MARCHF8: variants seen among roughly 807,000 people sequenced by gnomAD.
MARCHF8 encodes E3 ubiquitin-protein ligase MARCHF8.
MARCHF8 carries 40 observed loss-of-function variants against 51.6 expected under a neutral mutation model. That is an observed-to-expected ratio of 0.77 (90% CI 0.60 to 1.01). The LOEUF (loss-of-function observed/expected upper bound fraction) is 1.01, where lower values mean the gene tolerates loss of function less well. Among genes scored for constraint, MARCHF8 ranks in the 50% least tolerant of loss-of-function variants. The pLI is 0.00. For missense variants in MARCHF8, 685 were observed against 708.6 expected (o/e 0.97, Z 0.38); for synonymous variants, 263 against 280.3 (o/e 0.94, Z 0.62).
At chr10:45,518,676 A>G (rs779967510) in intron 2 of MARCHF8, among the ~76,000 whole-genome samples, 1 of 152,190 alleles carries the variant, frequency 6.6e-6, no homozygotes, top group Non-Finnish European at 1.5e-5. Flanking sequence ...CTCCTAACAG[A>G]TTGCCCAAGG....
In MARCHF8 at chr10:45,463,987, T is replaced by G; in HGVS notation, c.252A>C (p.Ala84=). 6.5e-7 allele frequency: 1 copy of G among 1,534,978 alleles called. No homozygotes were observed. The highest frequency in any genetic ancestry group is 8.7e-7 in the Non-Finnish European group (1 of 1,146,432). The change falls in exon 5 of 8, where the codon GCA becomes GCC. Residue 84 remains alanine, a synonymous_variant. Coordinates refer to ENST00000453424, the MANE Select transcript of MARCHF8 (RefSeq NM_001282866.2). ...TGTGGTGACAACACTCAGAAAACAC[T>G]GCACTGGAACTGCATGCAGAACAGT... ...PSSQDICSSS[A]VFSECCHHSS... is the part of the protein sequence containing the mutation.
intron 3 of MARCHF8, among the ~76,000 whole-genome samples, chr10:45,478,569 A>T (rs2042826957): frequency 1.3e-5 from 1 of 78,466 alleles, no homozygotes; most frequent in South Asian, 4.0e-4. Context: ...AATAGGAGCT[A>T]AAAAAAAAAA....
At chr10:45,585,535 A>G (rs1281215644) in intron 1 of MARCHF8, among the ~76,000 whole-genome samples, 1 of 152,200 alleles carries the variant, frequency 6.6e-6, no homozygotes, top group African/African-American at 2.4e-5. Flanking sequence ...GCAAAACAAC[A>G]CAGCTTAGAG....
At chr10:45,581,657 C>T (rs959031007) in intron 1 of MARCHF8, among the ~76,000 whole-genome samples, 1 of 152,162 alleles carries the variant, frequency 6.6e-6, no homozygotes, top group Non-Finnish European at 1.5e-5. Context: ...TGGTAAACAT[C>T]TCCAGAAAAC....
At chr10:45,465,972 G>GA (rs1392537770) in intron 3 of MARCHF8, among the ~76,000 whole-genome samples, 1 of 152,194 alleles carries the variant, frequency 6.6e-6, no homozygotes, top group Non-Finnish European at 1.5e-5. Flanking sequence ...GAAACAAAAT[G>GA]AAAGACATCT....
At chr10:45,535,005 T>A (rs1447356526) in intron 1 of MARCHF8, among the ~76,000 whole-genome samples, 1 of 152,128 alleles carries the variant, frequency 6.6e-6, no homozygotes, top group Non-Finnish European at 1.5e-5. Context: ...GTTTATAAAG[T>A]CTAGTTTTAC....
intron 1 of MARCHF8, among the ~76,000 whole-genome samples, chr10:45,534,942 C>A (rs1208812791): frequency 2.6e-5 from 4 of 151,982 alleles, no homozygotes; most frequent in Non-Finnish European, 5.9e-5. Context: ...CAAAAAGGAA[C>A]AAAAACTGGG....
chr10:45,566,267 T>C (rs1294586955), intron 1 of MARCHF8, among the ~76,000 whole-genome samples: 1 of 152,224 alleles, frequency 6.6e-6, no homozygotes, highest in Non-Finnish European at 1.5e-5. Context: ...GCGTTTATCC[T>C]CTGAGTTTCA....
rs1304104036 is a variant in MARCHF8, at chr10:45,547,174, ATAATT to A, written c.-78-13890_-78-13886del. 1.0e-4 allele frequency among the ~76,000 whole-genome samples: 16 copies of A among 152,386 alleles called. 1 individual carries two copies. The South Asian group carries it at 1.5e-3, about 14-fold the overall frequency. ...GTGGAAAATAAAATCCAAAGCATAA[ATAATT>A]TAAACAGATAAAGTATATGAAGAAA... On this transcript the variant is annotated intron_variant, in intron 1 of 6. Coordinates refer to the MARCHF8 transcript ENST00000319836.
chr10:45,490,614 G>C (rs1457274611), intron 2 of MARCHF8, among the ~76,000 whole-genome samples: 1 of 151,426 alleles, frequency 6.6e-6, no homozygotes, highest in Non-Finnish European at 1.5e-5. Context: ...TCCATCCTAT[G>C]ACTTTCTTTA....
chr10:45,510,099 G>A (rs907574257), intron 2 of MARCHF8, among the ~76,000 whole-genome samples: 4 of 152,130 alleles, frequency 2.6e-5, no homozygotes, highest in South Asian at 2.1e-4. Context: ...TTCTAACATC[G>A]GGAGGTTGGA....
chr10:45,465,829 T>C (rs1842947229), intron 3 of MARCHF8, among the ~76,000 whole-genome samples: 2 of 152,232 alleles, frequency 1.3e-5, no homozygotes, highest in Admixed American at 1.3e-4. Flanking sequence ...TGAATGTGCA[T>C]ATGGGCATGA....
intron 5 of MARCHF8, among the ~76,000 whole-genome samples, chr10:45,462,534 CCA>C (rs1169984186): frequency 1.3e-5 from 2 of 152,118 alleles, no homozygotes; most frequent in Non-Finnish European, 2.9e-5. Context: ...TTTCTTTCTT[CCA>C]GTTTCTTTAT....
chr10:45,567,970 T>C (rs1035724960), intron 1 of MARCHF8, among the ~76,000 whole-genome samples: 5 of 152,220 alleles, frequency 3.3e-5, no homozygotes, highest in Non-Finnish European at 7.3e-5. Flanking sequence ...CATCAGTGTT[T>C]TATAGTTTTC....
intron 3 of MARCHF8, among the ~76,000 whole-genome samples, chr10:45,473,882 G>C (rs1185702002): frequency 1.3e-5 from 2 of 152,110 alleles, no homozygotes; most frequent in African/African-American, 4.8e-5. Flanking sequence ...TTCCAAGCAG[G>C]TGACAAATGA....
At chr10:45,532,719 T>A (rs1431301036) in intron 2 of MARCHF8, among the ~76,000 whole-genome samples, 1 of 152,222 alleles carries the variant, frequency 6.6e-6, no homozygotes, top group Non-Finnish European at 1.5e-5. Flanking sequence ...GGCTATGGCA[T>A]TTTGTTACAG....
intron 3 of MARCHF8, among the ~76,000 whole-genome samples, chr10:45,488,937 C>T (rs1462414149): frequency 2.0e-5 from 3 of 152,156 alleles, no homozygotes; most frequent in Admixed American, 6.5e-5. Flanking sequence ...GCCACAGAAT[C>T]GGGTGCACTA....
chr10:45,563,149 T>G (rs2044329139), intron 1 of MARCHF8, among the ~76,000 whole-genome samples: 1 of 152,014 alleles, frequency 6.6e-6, no homozygotes, highest in African/African-American at 2.4e-5. Context: ...GCCTCAGCTT[T>G]CGGGGTAGCT....
At chr10:45,461,181 T>A in intron 6 of MARCHF8, 50 bp downstream of exon 6, 1 of 1,364,208 alleles carries the variant, frequency 7.3e-7, no homozygotes, top group Non-Finnish European at 9.7e-7. Context: ...ACCAGCTTTC[T>A]GGGGGTCACT....
Sources: allele counts gnomAD v4.1 joint callset (sites outside exome capture counted in the v4.1 genomes callset), GRCh38; gene constraint gnomAD v4.1.1; transcripts MANE v1.5; gene names NCBI Gene and HGNC (gene_info 2026-07-23, HGNC 2026-07-21).